TAFA5: variants seen among roughly 807,000 people sequenced by gnomAD.
The protein encoded by TAFA5 is chemokine-like protein TAFA-5.
TAFA5 carries 6 observed loss-of-function variants against 15.3 expected under a neutral mutation model. That is an observed-to-expected ratio of 0.39 (90% confidence interval 0.21 to 0.77). TAFA5 has a LOEUF of 0.77. Ranked by LOEUF, TAFA5 falls within the 30% of genes least tolerant of loss-of-function variation. TAFA5 has a pLI of 0.41. For synonymous variants in TAFA5, 103 were observed against 80.7 expected (o/e 1.28, Z -1.48); for missense variants, 161 against 193.1 (o/e 0.83, Z 0.98).
intron 3 of TAFA5, among the ~76,000 whole-genome samples, chr22:48,744,377 G>A (rs1295127839): frequency 1.3e-5 from 2 of 152,228 alleles, no homozygotes; most frequent in East Asian, 3.8e-4. Flanking sequence ...TCCTGAAAAG[G>A]AGATGTTTTT....
chr22:48,670,318 T>C (rs972111088), intron 2 of TAFA5, among the ~76,000 whole-genome samples: 6 of 152,272 alleles, frequency 3.9e-5, no homozygotes, highest in Non-Finnish European at 8.8e-5. Context: ...GAAGTCATTA[T>C]GAATTGGCTT....
chr22:48,556,508 C>T (rs1451589247), intron 1 of TAFA5, among the ~76,000 whole-genome samples: 2 of 152,264 alleles, frequency 1.3e-5, no homozygotes, highest in East Asian at 3.8e-4. Context: ...CTGTATTCAT[C>T]TGGAAGAGAA....
chr22:48,580,202 T>C (rs1291531265), intron 1 of TAFA5, among the ~76,000 whole-genome samples: 1 of 152,126 alleles, frequency 6.6e-6, no homozygotes. Flanking sequence ...AGCTGGCTCT[T>C]TCGGAAATGA....
At chr22:48,549,181 T>C (rs1220120656) in intron 1 of TAFA5, among the ~76,000 whole-genome samples, 1 of 152,254 alleles carries the variant, frequency 6.6e-6, no homozygotes, top group Non-Finnish European at 1.5e-5. Context: ...ATCCCATTTC[T>C]CTGCCTTGAT....
intron 2 of TAFA5, among the ~76,000 whole-genome samples, chr22:48,664,824 A>T (rs748715191): frequency 6.6e-6 from 1 of 152,148 alleles, no homozygotes; most frequent in Non-Finnish European, 1.5e-5. Context: ...ACCGCCATCT[A>T]TCTGTCTGTG....
intron 1 of TAFA5, among the ~76,000 whole-genome samples, chr22:48,542,491 GGT>G (rs1359855830): frequency 1.0e-4 from 10 of 99,836 alleles, no homozygotes; most frequent in Non-Finnish European, 1.4e-4. Flanking sequence ...GTGTGTGTGT[GGT>G]GTGTGTGCGT....
At chr22:48,522,379 G>A (rs1184237128) in intron 1 of TAFA5, among the ~76,000 whole-genome samples, 1 of 152,070 alleles carries the variant, frequency 6.6e-6, no homozygotes, top group Non-Finnish European at 1.5e-5. Flanking sequence ...AGACCCCCCA[G>A]GTCCGGAGGC....
intron 2 of TAFA5, among the ~76,000 whole-genome samples, chr22:48,706,046 G>C (rs1337486152): frequency 6.6e-6 from 1 of 152,244 alleles, no homozygotes; most frequent in Non-Finnish European, 1.5e-5. Flanking sequence ...GACGGGAGGT[G>C]GGGGCTGGGG....
chr22:48,609,167 G>A (rs35845823), intron 1 of TAFA5, among the ~76,000 whole-genome samples: 19,383 of 152,134 alleles, frequency 0.13, 1,335 homozygotes, highest in African/African-American at 0.17. Context: ...GGTGTGTTCT[G>A]AGGAGGAACC....
intron 1 of TAFA5, among the ~76,000 whole-genome samples, chr22:48,623,948 T>C (rs893026952): frequency 2.6e-5 from 4 of 152,224 alleles, no homozygotes; most frequent in African/African-American, 9.6e-5. Flanking sequence ...AGAACTGGCA[T>C]TGGCTTGTCA....
intron 1 of TAFA5, among the ~76,000 whole-genome samples, chr22:48,557,568 A>T (rs1923084267): frequency 6.6e-6 from 1 of 152,204 alleles, no homozygotes; most frequent in Non-Finnish European, 1.5e-5. Context: ...GGCTCCTTGC[A>T]GGAGGCTGAG....
At chr22:48,539,374 C>T (rs766000294) in intron 1 of TAFA5, 12 of 471,034 alleles carry the variant, frequency 2.5e-5, no homozygotes, top group African/African-American at 6.0e-5. Flanking sequence ...TGTGCGTGGC[C>T]GGGCGGTGAT....
intron 2 of TAFA5, among the ~76,000 whole-genome samples, chr22:48,693,083 G>A (rs913749371): frequency 3.3e-5 from 5 of 152,380 alleles, no homozygotes; most frequent in East Asian, 1.9e-4. Context: ...CCGTTGGAAC[G>A]CTGCCCTTCG....
chr22:48,686,205 G>A (rs1928348813), intron 2 of TAFA5, among the ~76,000 whole-genome samples: 1 of 152,232 alleles, frequency 6.6e-6, no homozygotes. Context: ...CTCTGCCCAG[G>A]AGGGGAAAGG....
intron 1 of TAFA5, among the ~76,000 whole-genome samples, chr22:48,542,279 GGT>G (rs1491006839): frequency 1.4e-4 from 18 of 130,932 alleles, no homozygotes; most frequent in South Asian, 1.2e-3. Flanking sequence ...GTGTGTGGGG[GGT>G]GTGTGTGCAT....
chr22:48,719,223 C>A (rs1040072952), intron 3 of TAFA5, among the ~76,000 whole-genome samples: 2 of 152,202 alleles, frequency 1.3e-5, no homozygotes, highest in African/African-American at 4.8e-5. Flanking sequence ...CCTTCTGGAA[C>A]TAATGCCAGG....
intron 1 of TAFA5, chr22:48,576,525 C>T (rs1405109742): frequency 5.3e-6 from 8 of 1,515,278 alleles, no homozygotes; most frequent in Admixed American, 3.8e-5. Context: ...GGGCCGCGCT[C>T]TGCTGCTTCC....
chr22:48,502,842 C>T (rs1376921574), intron 1 of TAFA5, among the ~76,000 whole-genome samples: 1 of 152,174 alleles, frequency 6.6e-6, no homozygotes, highest in East Asian at 1.9e-4. Context: ...GCCTCTATTT[C>T]GAAAAGACAC....
intron 2 of TAFA5, among the ~76,000 whole-genome samples, chr22:48,659,437 G>A (rs1448213533): frequency 2.6e-5 from 4 of 152,236 alleles, no homozygotes; most frequent in Non-Finnish European, 5.9e-5. Context: ...AGGGGGTCCA[G>A]ATTCTGCCTT....
Sources: allele counts gnomAD v4.1 joint callset (sites outside exome capture counted in the v4.1 genomes callset), GRCh38; gene constraint gnomAD v4.1.1; transcripts MANE v1.5; gene names NCBI Gene and HGNC (gene_info 2026-07-23, HGNC 2026-07-21).